Variants in MRM2 observed in about 807,000 individuals in gnomAD.
The protein encoded by MRM2 is rRNA methyltransferase 2, mitochondrial.
A neutral mutation model predicts 10.9 loss-of-function variants in MRM2; 15 were observed. That is an observed-to-expected ratio of 1.37 (90% CI 0.92 to 2.11). The LOEUF (loss-of-function observed/expected upper bound fraction) is 2.11. Among genes scored for constraint, MRM2 ranks in the 30% most tolerant of loss-of-function variants. The pLI, the probability that MRM2 is intolerant of heterozygous loss-of-function variation, is 0.00. For synonymous variants in MRM2, 139 were observed against 128.7 expected (o/e 1.08, Z -0.54); for missense variants, 328 against 321.3 (o/e 1.02, Z -0.16).
chr7:2,239,606 C>T lies in MRM2; in HGVS notation c.110G>A (p.Arg37Gln), dbSNP rs368426054. 1 of 1,613,972 alleles carries T rather than the reference C, an allele frequency of 6.2e-7. No individual in the cohort carries two copies. Among genetic ancestry groups the T allele is most frequent in the African/African-American group, 1.3e-5 (1 of 74,920 alleles). ...CTTCACAAATGGGTCCCTGAGATGTCGGGTCAGCCACAGGTGCTCAGCGCC... is the reference window on the plus strand; with the variant it reads ...CTTCACAAATGGGTCCCTGAGATGTTGGGTCAGCCACAGGTGCTCAGCGCC... ...RTGAEHLWLT[R>Q]HLRDPFVKAA... The change falls in exon 2 of 3, where the codon CGA becomes CAA. Residue 37 changes from arginine (R) to glutamine (Q), a missense_variant. Physicochemically the swap from Arg to Gln is conservative, Grantham distance 43. Transcript: ENST00000242257.
chr7:2,235,409 G>C lies in MRM2; in HGVS notation c.454C>G (p.Leu152Val), dbSNP rs780134212. The C allele has an allele frequency of 1.9e-6, 3 of 1,614,086 alleles. No individual in the cohort carries two copies. The highest frequency in any genetic ancestry group is 1.7e-4 in the Middle Eastern group (1 of 6,060). The change falls in exon 3 of 3, where the codon CTG becomes GTG. Residue 152 changes from leucine to valine, a missense_variant. Leu to Val is a conservative substitution (Grantham distance 32). Coordinates refer to ENST00000242257, the MANE Select transcript of MRM2 (RefSeq NM_013393.3). ...GTGGCATTGGGCGCCATGTCGCTCA[G>C]AATCACATCTGCTCTCCTGCCAGGA... ...VLPGRRADVI[L>V]SDMAPNATGF...
chr7:2,235,585 G>C, intron 2 of MRM2, 21 bp from the exon 3 acceptor site: 1 of 1,527,906 alleles, frequency 6.5e-7, no homozygotes. Context: ...AATGGTGAAT[G>C]TGTTATTTAT....
At chr7:2,239,015 AT>A (rs1218224041) in intron 2 of MRM2, 12,529 of 74,984 alleles carry the variant, frequency 0.17, 1,425 homozygotes, top group African/African-American at 0.2. Context: ...ATATATATAT[AT>A]ATATATATAT....
rs1301266572 is a variant in MRM2, at chr7:2,235,460, T to C, written c.403A>G (p.Thr135Ala). The change falls in exon 3 of 3, where the codon ACC becomes GCC. Residue 135 changes from threonine to alanine, a missense_variant. Physicochemically the swap from Thr to Ala is moderately conservative, Grantham distance 58. Coordinates refer to ENST00000242257, the MANE Select transcript of MRM2 (RefSeq NM_013393.3). ...LCPADVTDPR[T>A]SQRILEVLPG... is the part of the protein sequence containing the mutation. ...AGCACCTCGAGGATTCTCTGTGAGG[T>C]TCTCGGGTCAGTCACGTCAGCAGGG... 1 of 1,613,948 alleles carries C rather than the reference T, an allele frequency of 6.2e-7. No homozygotes were observed. The highest frequency in any genetic ancestry group is 2.2e-5 in the East Asian group (1 of 44,878).
chr7:2,235,090 A>C lies in MRM2; in HGVS notation c.*32T>G, dbSNP rs1395981619. On this transcript the variant is annotated 3_prime_UTR_variant, in exon 3 of 3. Transcript: ENST00000242257. ...CTACGTTTCTAGCTTAAAAGGAGCT[A>C]ATGACCATTATGAAAATGGCACAAG... 6.5e-7 allele frequency: 1 copy of C among 1,530,376 alleles called. No homozygotes were observed. Among genetic ancestry groups the C allele is most frequent in the Non-Finnish European group, 9.0e-7 (1 of 1,108,234 alleles). The allele number at this position is 1,530,376 out of a possible 1,614,324, so 94.8% of individuals were successfully genotyped here.
intron 1 of MRM2, 111 bp downstream of exon 1, chr7:2,242,051 A>G: frequency 8.5e-7 from 1 of 1,180,408 alleles, no homozygotes; most frequent in Admixed American, 2.3e-5. Context: ...GAGTGCGGGG[A>G]CGGTGCCCAG....
In MRM2 at chr7:2,234,298, G is replaced by A. The variant is rs911552148; in HGVS notation, c.*824C>T. On this transcript the variant is annotated 3_prime_UTR_variant, in exon 3 of 3. Coordinates refer to ENST00000242257, the MANE Select transcript of MRM2 (RefSeq NM_013393.3). ...AACACACCACATCACTGCTTGCTTT[G>A]GCAATTACATTTATGTTCTTGGGAG... 8 of 152,128 alleles carry A rather than the reference G, an allele frequency of 5.3e-5. No homozygotes were observed. The highest frequency in any genetic ancestry group is 5.2e-4 in the Admixed American group (8 of 15,270). The allele number at this position is 152,128 out of a possible 1,614,324, so 9.4% of individuals were successfully genotyped here.
intron 2 of MRM2, among the ~76,000 whole-genome samples, chr7:2,236,211 C>G (rs927643325): frequency 6.6e-6 from 1 of 152,116 alleles, no homozygotes; most frequent in African/African-American, 2.4e-5. Flanking sequence ...GCCTTGGCGA[C>G]AGAGCGAGAC....
At chr7:2,235,638 A>C in intron 2 of MRM2, 74 bp from the exon 3 acceptor site, 1 of 1,021,878 alleles carries the variant, frequency 9.8e-7, no homozygotes, top group East Asian at 2.4e-5. Context: ...ACATGCAACA[A>C]AGTGATGAAA....
chr7:2,239,385 C>T, intron 2 of MRM2, 33 bp downstream of exon 2: 1 of 1,576,812 alleles, frequency 6.3e-7, no homozygotes. Context: ...CTCAGGGGAG[C>T]CAGAAGGTGC....
At position 2,239,467 on chromosome 7, in the gene MRM2, A is replaced by T. The variant is rs759702334; in HGVS notation, c.249T>A (p.Pro83=). 1.2e-6 allele frequency: 2 copies of T among 1,613,614 alleles called. No homozygotes were observed. Among genetic ancestry groups the T allele is most frequent in the Admixed American group, 1.7e-5 (1 of 60,002 alleles). Reference sequence around the variant, plus strand: ...GCACCGCCACCTGACTCCAGGCCCCAGGAGCTGCCCCACAGTCTAACACCC... The same window carrying T: ...GCACCGCCACCTGACTCCAGGCCCCTGGAGCTGCCCCACAGTCTAACACCC... ...GLRVLDCGAA[P]GAWSQVAVQK... is the part of the protein sequence containing the mutation. The change falls in exon 2 of 3, where the codon CCT becomes CCA. Residue 83 remains proline (P), a synonymous_variant. Transcript: ENST00000242257.
In MRM2 at chr7:2,235,582, A is replaced by T; in HGVS notation, c.299-18T>A. 2.6e-6 allele frequency: 4 copies of T among 1,544,786 alleles called. No homozygotes were observed. The highest frequency in any genetic ancestry group is 3.5e-6 in the Non-Finnish European group (4 of 1,127,706). ...GCTGGGATCTATGGAAGAAATGGTG[A>T]ATGTGTTATTTATTTACACCCTGAA... On this transcript the variant is annotated intron_variant, in intron 2 of 2. Transcript: ENST00000242257.
intron 1 of MRM2, chr7:2,241,251 C>T (rs1050453740): frequency 6.6e-6 from 1 of 152,538 alleles, no homozygotes; most frequent in Non-Finnish European, 1.5e-5. Context: ...ATCAGCCCAC[C>T]TTGGCCTCCC....
chr7:2,234,770 A>G lies in MRM2; in HGVS notation c.*352T>C. On this transcript the variant is annotated 3_prime_UTR_variant, in exon 3 of 3. Coordinates refer to ENST00000242257, the MANE Select transcript of MRM2 (RefSeq NM_013393.3). ...GACAGTTTAACAGTCTATAAGATGAAGTCCCGTCAAGGCACACATGGGCAC... is the reference window on the plus strand; with the variant it reads ...GACAGTTTAACAGTCTATAAGATGAGGTCCCGTCAAGGCACACATGGGCAC... 3.4e-6 allele frequency: 1 copy of G among 296,366 alleles called. No individual in the cohort carries two copies. Among genetic ancestry groups the G allele is most frequent in the Non-Finnish European group, 6.4e-6 (1 of 157,072 alleles). The allele number at this position is 296,366 out of a possible 1,614,324, so 18.4% of individuals were successfully genotyped here.
chr7:2,239,028 T>TATATATATAA (rs1554259000), intron 2 of MRM2: 5 of 84,140 alleles, frequency 5.9e-5, no homozygotes, highest in African/African-American at 1.6e-4. Context: ...TATATATATA[T>TATATATATAA]AATACATATA....
At position 2,239,470 on chromosome 7, in the gene MRM2, A is replaced by G. The variant is rs763999470; in HGVS notation, c.246T>C (p.Ala82=). Residue 82 remains alanine, a synonymous_variant, in exon 2 of 3, where the codon GCT becomes GCC. Transcript: ENST00000242257. Reference sequence around the variant, plus strand: ...CCGCCACCTGACTCCAGGCCCCAGGAGCTGCCCCACAGTCTAACACCCGAA... The same window carrying G: ...CCGCCACCTGACTCCAGGCCCCAGGGGCTGCCCCACAGTCTAACACCCGAA... The part of the protein sequence containing the change: ...PGLRVLDCGA[A]PGAWSQVAVQ... 10 of 1,613,528 alleles carry G rather than the reference A, an allele frequency of 6.2e-6. No individual in the cohort carries two copies. Among genetic ancestry groups the G allele is most frequent in the Non-Finnish European group, 8.5e-6 (10 of 1,179,942 alleles).
chr7:2,237,003 T>A (rs1376964850), intron 2 of MRM2, among the ~76,000 whole-genome samples: 1 of 151,506 alleles, frequency 6.6e-6, no homozygotes, highest in East Asian at 1.9e-4. Flanking sequence ...TACTCAAATA[T>A]CAGCAAGTTA....
chr7:2,241,627 T>C (rs577543319), intron 1 of MRM2, among the ~76,000 whole-genome samples: 2 of 152,274 alleles, frequency 1.3e-5, no homozygotes, highest in East Asian at 1.9e-4. Flanking sequence ...CTGATTTAAA[T>C]AAATAAATAA....
rs778509302 is a variant in MRM2, at chr7:2,239,569, C to T, written c.147G>A (p.Val49=). The change falls in exon 2 of 3, where the codon GTG becomes GTA. Residue 49 remains valine (V), a synonymous_variant. Coordinates refer to ENST00000242257, the MANE Select transcript of MRM2 (RefSeq NM_013393.3). ...AGGCGCTTCGACACCGGTAACTCTC[C>T]ACCTTCGCAGCCTTCACAAATGGGT... ...LRDPFVKAAK[V]ESYRCRSAFK... is the part of the protein sequence containing the mutation. 6 of 1,614,068 alleles carry T rather than the reference C, an allele frequency of 3.7e-6. No homozygotes were observed. The South Asian group carries it at 6.6e-5, about 18-fold the overall frequency.
Sources: allele counts gnomAD v4.1 joint callset (sites outside exome capture counted in the v4.1 genomes callset), GRCh38; gene constraint gnomAD v4.1.1; transcripts MANE v1.5; gene names NCBI Gene and HGNC (gene_info 2026-07-23, HGNC 2026-07-21).